UBR3: variants seen among roughly 807,000 people sequenced by gnomAD.
UBR3 encodes ubiquitin protein ligase E3 component n-recognin 3.
Under a neutral mutation model 243.2 loss-of-function variants are expected in UBR3, and 85 were observed. The ratio of observed to expected loss-of-function variants is 0.35; its 90% CI spans 0.29 to 0.42. UBR3 has a LOEUF of 0.42. UBR3 is among the 10% of genes least tolerant of loss of function. The pLI, the probability that UBR3 is intolerant of heterozygous loss-of-function variation, is 1.00. For missense variants in UBR3, 1,686 were observed against 2,300.8 expected (o/e 0.73, Z 5.47); for synonymous variants, 748 against 799.8 (o/e 0.94, Z 1.09).
chr2:169,961,949 G>A (rs1021682656), intron 24 of UBR3, among the ~76,000 whole-genome samples: 7 of 147,672 alleles, frequency 4.7e-5, no homozygotes, highest in African/African-American at 1.5e-4. Context: ...TCCTGGTCCT[G>A]ATGCCCTGTG....
chr2:170,032,580 CTTTTTTTTTT>C lies in UBR3; in HGVS notation c.4556+3154_4556+3163del, dbSNP rs6147023. 2.9e-4 allele frequency among the ~76,000 whole-genome samples: 6 copies of C among 20,478 alleles called. No individual in the cohort carries two copies. The East Asian group carries it at 4.2e-3, about 14-fold the overall frequency. 13.4% of individuals were successfully genotyped at this position (20,478 alleles called of 152,430 possible). On this transcript the variant is annotated intron_variant, in intron 31 of 38. Transcript: ENST00000272793. Reference sequence around the variant, plus strand: ...TTTTCTTTGTGCTTGATGACATTCACTTTTTTTTTTTTTTTTTTTTTTTTTTTTTTTAGTT... The same window carrying C: ...TTTTCTTTGTGCTTGATGACATTCACTTTTTTTTTTTTTTTTTTTTTAGTT...
rs77961475 is a variant in UBR3, at chr2:169,954,165, T to TTTGTCTTGTCTTGTCTTGTC, written c.3545+4143_3545+4162dup. Among the ~76,000 whole-genome samples, 1,221 of 140,842 alleles carry TTTGTCTTGTCTTGTCTTGTC rather than the reference T, an allele frequency of 8.7e-3. 15 individuals carry two copies. The highest frequency in any genetic ancestry group is 0.024 in the African/African-American group (883 of 36,194). The allele number at this position is 140,842 out of a possible 152,430, so 92.4% of individuals were successfully genotyped here. On this transcript the variant is annotated intron_variant, in intron 23 of 38. Coordinates refer to ENST00000272793, the MANE Select transcript of UBR3 (RefSeq NM_172070.4). ...TGATAGTTGTCCCAATAATGTTTGA[T>TTTGTCTTGTCTTGTCTTGTC]TTGTCTTGTCTTGTCTTGTCTTGTC...
chr2:169,950,194 TAAATG>T (rs1473520477), intron 23 of UBR3, 129 bp downstream of exon 23: 11 of 845,284 alleles, frequency 1.3e-5, no homozygotes, highest in African/African-American at 8.6e-5. Flanking sequence ...GTTTGTAACA[TAAATG>T]GAATGGAGCA....
chr2:169,996,612 A>G (rs764462441), intron 26 of UBR3, among the ~76,000 whole-genome samples: 40 of 148,872 alleles, frequency 2.7e-4, no homozygotes, highest in Non-Finnish European at 3.7e-4. Flanking sequence ...CAGTCTCTGT[A>G]TGTGTGTGTG....
intron 5 of UBR3, among the ~76,000 whole-genome samples, chr2:169,881,273 G>A (rs10930384): frequency 0.045 from 6,806 of 151,698 alleles, 222 homozygotes; most frequent in East Asian, 0.12. Flanking sequence ...TCCACCTCCC[G>A]GGTTCAAGCG....
chr2:170,012,475 A>G (rs1281371212), intron 29 of UBR3, among the ~76,000 whole-genome samples: 2 of 152,200 alleles, frequency 1.3e-5, no homozygotes, highest in Non-Finnish European at 2.9e-5. Flanking sequence ...TATAACATCA[A>G]TCTATATAAC....
Position 170,015,352 on chromosome 2 carries a change from A to T in UBR3, c.4439A>T (p.Lys1480Ile). 1.2e-6 allele frequency: 2 copies of T among 1,611,876 alleles called. No individual in the cohort carries two copies. The highest frequency in any genetic ancestry group is 1.7e-6 in the Non-Finnish European group (2 of 1,178,774). ...LCSGGASTAG[K>I]RSCLNQLFHV... ...TCAGGTGGTGCAAGCACAGCTGGCAAAAGGTCTTGTTTAAGTAAGTACTAA... is the reference window on the plus strand; with the variant it reads ...TCAGGTGGTGCAAGCACAGCTGGCATAAGGTCTTGTTTAAGTAAGTACTAA... The change falls in exon 30 of 39, where the codon AAA becomes ATA. Residue 1480 changes from lysine (K) to isoleucine (I), a missense_variant. This residue lies in a region of UBR3 where 371 missense variants were observed against 422.5 expected (regional missense o/e 0.88). Coordinates refer to ENST00000272793, the MANE Select transcript of UBR3 (RefSeq NM_172070.4).
chr2:169,843,044 T>G (rs189446442), intron 1 of UBR3, among the ~76,000 whole-genome samples: 2 of 152,358 alleles, frequency 1.3e-5, no homozygotes. Flanking sequence ...AATGCTTCTT[T>G]TATGGCAATC....
At chr2:169,875,541 C>T (rs962362622) in intron 2 of UBR3, among the ~76,000 whole-genome samples, 2 of 152,124 alleles carry the variant, frequency 1.3e-5, no homozygotes, top group Non-Finnish European at 2.9e-5. Context: ...TGCTTCATAT[C>T]TTAGGAGGTC....
At chr2:170,010,299 T>C (rs2090045738) in intron 29 of UBR3, among the ~76,000 whole-genome samples, 1 of 152,178 alleles carries the variant, frequency 6.6e-6, no homozygotes, top group South Asian at 2.1e-4. Flanking sequence ...GATTATAACA[T>C]TGTAGACGAT....
At chr2:169,964,277 T>C in intron 24 of UBR3, 1 of 348,746 alleles carries the variant, frequency 2.9e-6, no homozygotes, top group South Asian at 2.6e-5. Flanking sequence ...ATGTAACTAG[T>C]CTGATGTACA....
At chr2:169,868,011 G>A (rs1235094145) in intron 1 of UBR3, among the ~76,000 whole-genome samples, 1 of 152,036 alleles carries the variant, frequency 6.6e-6, no homozygotes, top group East Asian at 1.9e-4. Context: ...AACCTAACTA[G>A]TATGATCTTT....
In UBR3 at chr2:169,923,932, G is replaced by A; in HGVS notation, c.1870G>A (p.Ala624Thr). 3 of 1,545,020 alleles carry A rather than the reference G, an allele frequency of 1.9e-6. No individual in the cohort carries two copies. The highest frequency in any genetic ancestry group is 2.6e-6 in the Non-Finnish European group (3 of 1,145,256). The change falls in exon 12 of 39, where the codon GCA (alanine) becomes ACA (threonine). Residue 624 changes from alanine (A) to threonine (T), a missense_variant. By Grantham distance (58) the Ala-to-Thr change is moderately conservative (BLOSUM62 0). This residue lies in a region of UBR3 where 346 missense variants were observed against 585.8 expected (regional missense o/e 0.59). Transcript: ENST00000272793. ...FDAINFVDEPAPNQVTFHLPL... is the reference protein window; with the variant it reads ...FDAINFVDEPTPNQVTFHLPL... ...GCATTTTGTTTGTTTATTCCAGCCA[G>A]CACCTAACCAAGTCACTTTTCATCT...
At chr2:169,876,139 A>G (rs2083596106) in intron 3 of UBR3, among the ~76,000 whole-genome samples, 190 bp downstream of exon 3, 1 of 146,850 alleles carries the variant, frequency 6.8e-6, no homozygotes, top group Admixed American at 7.0e-5. Flanking sequence ...GCTGGAGTGC[A>G]GTGGCGCAAT....
At chr2:169,976,338 G>A (rs554950369) in intron 24 of UBR3, among the ~76,000 whole-genome samples, 2 of 151,586 alleles carry the variant, frequency 1.3e-5, no homozygotes, top group Admixed American at 6.6e-5. Context: ...ATGTGTATCT[G>A]GTCTGCCAGT....
chr2:169,966,350 C>A (rs2087808670), intron 24 of UBR3, among the ~76,000 whole-genome samples: 1 of 152,130 alleles, frequency 6.6e-6, no homozygotes, highest in Non-Finnish European at 1.5e-5. Context: ...TTGGGAATTA[C>A]TTTCTGTTAT....
intron 9 of UBR3, 55 bp downstream of exon 9, chr2:169,905,348 A>T: frequency 7.8e-7 from 1 of 1,283,138 alleles, no homozygotes; most frequent in African/African-American, 1.5e-5. Context: ...CTAATGCTAA[A>T]TTATTAAATA....
At position 169,828,513 on chromosome 2, in the gene UBR3, G is replaced by A. The variant is rs551111527; in HGVS notation, c.545+461G>A. Among the ~76,000 whole-genome samples, 148 of 152,170 alleles carry A rather than the reference G, an allele frequency of 9.7e-4. 1 individual carries two copies. Among genetic ancestry groups the A allele is most frequent in the Middle Eastern group, 3.4e-3 (1 of 294 alleles). On this transcript the variant is annotated intron_variant, in intron 1 of 38. Transcript: ENST00000272793. The stretch of plus-strand genomic sequence containing the variant: ...TTGGCTCGCGGGATGATGAGAGCTG[G>A]GGAGGTGGTCTTGTACGTGCAGGGA...
At chr2:169,882,155 T>C (rs1045247515) in intron 5 of UBR3, among the ~76,000 whole-genome samples, 1 of 131,170 alleles carries the variant, frequency 7.6e-6, no homozygotes, top group Non-Finnish European at 1.5e-5. Flanking sequence ...TATATGTATA[T>C]ATATTTATCA....
Sources: gnomAD v4.1 joint callset for allele counts (sites outside exome capture counted in the v4.1 genomes callset) on GRCh38, gnomAD v4.1.1 for gene constraint, gnomAD v4.1.1 regional missense constraint, MANE v1.5 for transcripts, NCBI Gene and HGNC (gene_info 2026-07-23, HGNC 2026-07-21) for gene names.